RGS5: variants seen among roughly 807,000 people sequenced by gnomAD.
RGS5 encodes regulator of G-protein signalling 5.
RGS5 carries 20 observed loss-of-function variants against 18.9 expected under a neutral mutation model. The ratio of observed to expected loss-of-function variants is 1.06; its 90% CI spans 0.74 to 1.54. RGS5 has a LOEUF of 1.54. Ranked by LOEUF, RGS5 falls within the 40% of genes most tolerant of loss-of-function variation. The pLI is 0.00. For missense variants in RGS5, 201 were observed against 211.8 expected (o/e 0.95, Z 0.32); for synonymous variants, 57 against 76.2 (o/e 0.75, Z 1.31).
intron 2 of RGS5, among the ~76,000 whole-genome samples, chr1:163,298,252 T>C (rs1649471689): frequency 6.6e-6 from 1 of 152,008 alleles, no homozygotes; most frequent in Non-Finnish European, 1.5e-5. Context: ...AGATAACTAA[T>C]CATATAAAAC....
chr1:163,149,244 C>T (rs764102014), intron 4 of RGS5, among the ~76,000 whole-genome samples: 7 of 152,144 alleles, frequency 4.6e-5, no homozygotes, highest in Non-Finnish European at 1.0e-4. Flanking sequence ...GTTACATGCC[C>T]ACAAACAGCT....
intron 2 of RGS5, among the ~76,000 whole-genome samples, chr1:163,273,237 G>A (rs1648766967): frequency 6.6e-6 from 1 of 152,096 alleles, no homozygotes; most frequent in African/African-American, 2.4e-5. Flanking sequence ...TTCTATAAAT[G>A]TCAGTTATAT....
intron 2 of RGS5, among the ~76,000 whole-genome samples, chr1:163,281,414 A>G (rs1447062696): frequency 6.6e-6 from 1 of 152,206 alleles, no homozygotes; most frequent in Non-Finnish European, 1.5e-5. Context: ...AGCATGGTAC[A>G]AGGCAAACAA....
intron 2 of RGS5, among the ~76,000 whole-genome samples, chr1:163,274,077 G>T (rs1308490180): frequency 6.6e-6 from 1 of 152,088 alleles, no homozygotes; most frequent in East Asian, 1.9e-4. Context: ...ATTTGGTCTT[G>T]GCCCCTGGTT....
In RGS5 at chr1:163,217,580, G is replaced by GT. The variant is rs1199418726; in HGVS notation, c.14dup (p.Asn5LysfsTer23). ...GTAAGATGAGAATATCCTGTGAAAT[G>GT]TTTCTTGCGCACATTTTTCACTGAG... On this transcript the variant is annotated frameshift_variant, in exon 1 of 6. Transcript: ENST00000367903. LOFTEE classifies it high-confidence loss of function. 6.5e-7 allele frequency: 1 copy of GT among 1,546,950 alleles called. No individual in the cohort carries two copies.
At chr1:163,150,412 C>T (rs1657326416) in intron 4 of RGS5, among the ~76,000 whole-genome samples, 1 of 152,072 alleles carries the variant, frequency 6.6e-6, no homozygotes, top group Non-Finnish European at 1.5e-5. Flanking sequence ...TCTTAGAATT[C>T]TGTGAAGAGG....
At chr1:163,160,149 C>T (rs1422777944) in intron 3 of RGS5, among the ~76,000 whole-genome samples, 4 of 152,068 alleles carry the variant, frequency 2.6e-5, no homozygotes, top group Admixed American at 6.6e-5. Context: ...GACATGTAGC[C>T]CTAAGGATTT....
intron 1 of RGS5, among the ~76,000 whole-genome samples, chr1:163,307,367 A>T (rs1217038892): frequency 6.6e-6 from 1 of 152,256 alleles, no homozygotes; most frequent in Admixed American, 6.5e-5. Flanking sequence ...GGAGAACTTA[A>T]CAATGTCTTC....
chr1:163,242,840 G>T lies in RGS5; in HGVS notation c.-281+63393C>A, dbSNP rs575566643. 3.9e-5 allele frequency among the ~76,000 whole-genome samples: 6 copies of T among 152,292 alleles called. No homozygotes were observed. In the East Asian group the frequency reaches 1.2e-3, roughly 29 times the overall value. On this transcript the variant is annotated intron_variant, in intron 2 of 5. Transcript: ENST00000618415. ...TCTAACGTTTTCTGAGGGCAGTAGT[G>T]ACATGATCAGATCTGTTTAAAATAA...
chr1:163,196,403 A>T (rs1326745155), intron 1 of RGS5, among the ~76,000 whole-genome samples: 1 of 152,144 alleles, frequency 6.6e-6, no homozygotes, highest in Non-Finnish European at 1.5e-5. Flanking sequence ...TCTATCCCGT[A>T]ATATTGTGTA....
intron 1 of RGS5, among the ~76,000 whole-genome samples, chr1:163,172,848 T>C (rs1414894285): frequency 1.3e-5 from 2 of 152,194 alleles, no homozygotes; most frequent in South Asian, 4.1e-4. Context: ...CTTTAAACAT[T>C]GCACTCTTTT....
chr1:163,316,583 CAA>C (rs11365345), intron 1 of RGS5, among the ~76,000 whole-genome samples: 424 of 143,768 alleles, frequency 2.9e-3, no homozygotes, highest in African/African-American at 7.6e-3. Context: ...GACCCTATCT[CAA>C]AAAAAAAAAA....
intron 2 of RGS5, among the ~76,000 whole-genome samples, chr1:163,291,053 C>T (rs1406766173): frequency 6.6e-6 from 1 of 151,560 alleles, no homozygotes; most frequent in Admixed American, 6.6e-5. Flanking sequence ...TTGTTTATAT[C>T]ATGTGAATCC....
intron 2 of RGS5, among the ~76,000 whole-genome samples, chr1:163,258,308 T>A (rs184311334): frequency 6.5e-4 from 99 of 152,312 alleles, no homozygotes; most frequent in African/African-American, 2.3e-3. Context: ...AACAATGCCC[T>A]TTTCAGAATT....
At chr1:163,233,253 G>A (rs775692745) in intron 2 of RGS5, among the ~76,000 whole-genome samples, 2 of 152,208 alleles carry the variant, frequency 1.3e-5, no homozygotes, top group Non-Finnish European at 2.9e-5. Flanking sequence ...GTCACTGTGT[G>A]TCTGGTCATT....
At chr1:163,213,351 T>C (rs1215238198) in intron 1 of RGS5, among the ~76,000 whole-genome samples, 1 of 152,226 alleles carries the variant, frequency 6.6e-6, no homozygotes, top group African/African-American at 2.4e-5. Context: ...TTTTAGTTAA[T>C]GTGGTGTAAA....
chr1:163,198,884 GC>G (rs1659672736), intron 1 of RGS5, among the ~76,000 whole-genome samples: 1 of 152,078 alleles, frequency 6.6e-6, no homozygotes, highest in Admixed American at 6.6e-5. Flanking sequence ...TGCCCAGGCT[GC>G]CCTTAAACTC....
upstream of RGS5, among the ~76,000 whole-genome samples, chr1:163,207,845 AT>A (rs140060572): frequency 1.3e-3 from 193 of 152,318 alleles, no homozygotes; most frequent in African/African-American, 4.6e-3. Context: ...AGAAAAGTGT[AT>A]GTACAAAGGT....
intron 2 of RGS5, among the ~76,000 whole-genome samples, chr1:163,241,631 C>G (rs556952588): frequency 6.6e-6 from 1 of 151,018 alleles, no homozygotes; most frequent in Non-Finnish European, 1.5e-5. Flanking sequence ...TAATTCAGAT[C>G]ATTAAGTTGC....
Sources: allele counts gnomAD v4.1 joint callset (sites outside exome capture counted in the v4.1 genomes callset), GRCh38; gene constraint gnomAD v4.1.1; transcripts MANE v1.5; gene names NCBI Gene and HGNC (gene_info 2026-07-23, HGNC 2026-07-21).